Variants in PRDM6 observed in about 807,000 individuals in gnomAD.
PRDM6 encodes PR/SET domain 6, also known as putative histone-lysine N-methyltransferase PRDM6.
PRDM6 carries 25 observed loss-of-function variants against 60.8 expected under a neutral mutation model. The observed-to-expected ratio is 0.41, with a 90% CI of 0.30 to 0.57. The LOEUF (loss-of-function observed/expected upper bound fraction) is 0.57, where lower values mean the gene tolerates loss of function less well. Among genes scored for constraint, PRDM6 ranks in the 20% least tolerant of loss-of-function variants. The probability of loss-of-function intolerance (pLI) is 0.27; values close to 1 mark genes in which losing one functional copy is unlikely to be tolerated. For missense variants in PRDM6, 839 were observed against 821.3 expected (o/e 1.02, Z -0.26); for synonymous variants, 407 against 357.4 (o/e 1.14, Z -1.57).
rs1326999770 is a variant in PRDM6 at position 123,189,567 on chromosome 5, A to G, written c.*2366A>G. Reference sequence around the variant, plus strand: ...CAAACTTCCACTGAATGTGGCAGTAACCTGTACTCCAAAACACTCTTCTAG... The same window carrying G: ...CAAACTTCCACTGAATGTGGCAGTAGCCTGTACTCCAAAACACTCTTCTAG... On this transcript the variant is annotated 3_prime_UTR_variant, in exon 8 of 8. Coordinates refer to ENST00000407847, the MANE Select transcript of PRDM6 (RefSeq NM_001136239.4). The G allele has an allele frequency of 6.6e-6, 1 of 152,184 alleles. No individual in the cohort carries two copies. The highest frequency in any genetic ancestry group is 2.1e-4 in the South Asian group (1 of 4,830). The allele number at this position is 152,184 out of a possible 1,614,324, so 9.4% of individuals were successfully genotyped here.
intron 6 of PRDM6, among the ~76,000 whole-genome samples, chr5:123,172,725 A>T (rs1158108170): frequency 2.0e-5 from 3 of 152,212 alleles, no homozygotes; most frequent in Non-Finnish European, 4.4e-5. Context: ...AACTAATTAT[A>T]CCAGGTAAAA....
chr5:123,189,352 T>C lies in PRDM6; in HGVS notation c.*2151T>C, dbSNP rs1766358672. 6.6e-6 allele frequency: 1 copy of C among 152,238 alleles called. No homozygotes were observed. Among genetic ancestry groups the C allele is most frequent in the Non-Finnish European group, 1.5e-5 (1 of 68,042 alleles). 9.4% of individuals were successfully genotyped at this position (152,238 alleles called of 1,614,324 possible). On this transcript the variant is annotated 3_prime_UTR_variant, in exon 8 of 8. Coordinates refer to ENST00000407847, the MANE Select transcript of PRDM6 (RefSeq NM_001136239.4). ...GAATCACCTGTATATTTCTAATTTT[T>C]TTTTTCATTTGAAAAATCAGCTCAG...
chr5:123,134,883 A>C (rs1764919352), intron 3 of PRDM6, among the ~76,000 whole-genome samples: 1 of 152,182 alleles, frequency 6.6e-6, no homozygotes, highest in South Asian at 2.1e-4. Flanking sequence ...GAAGCTAATC[A>C]CATCGCAATG....
rs916233823 is a variant in PRDM6 at position 123,090,123 on chromosome 5, G to GGCA, written c.112_114dup (p.Ser38dup). The GGCA allele has an allele frequency of 2.3e-5, 36 of 1,539,640 alleles. No homozygotes were observed. In the African/African-American group the frequency reaches 4.6e-4, roughly 20 times the overall value. ...TCACGGAGGCGCAGGCCCGCTCAAG[G>GGCA]GCAGCGGCGCCGCGGGTCTCCTGAG... On this transcript the variant is annotated inframe_insertion, in exon 2 of 8. Coordinates refer to ENST00000407847, the MANE Select transcript of PRDM6 (RefSeq NM_001136239.4).
chr5:123,192,120 A>G lies in PRDM6; in HGVS notation c.*4919A>G, dbSNP rs1766444534. The G allele has an allele frequency of 6.6e-6, 1 of 152,360 alleles. No homozygotes were observed. The highest frequency in any genetic ancestry group is 2.1e-4 in the South Asian group (1 of 4,828). The allele number at this position is 152,360 out of a possible 1,614,324, so 9.4% of individuals were successfully genotyped here. ...ATGGAGGAAATTTTAATGGAAAAAT[A>G]AGGACATTCTGCGCTTATTCCCACA... On this transcript the variant is annotated 3_prime_UTR_variant, in exon 8 of 8. Coordinates refer to ENST00000407847, the MANE Select transcript of PRDM6 (RefSeq NM_001136239.4).
chr5:123,151,744 C>T (rs1445580042), intron 3 of PRDM6, among the ~76,000 whole-genome samples: 1 of 152,036 alleles, frequency 6.6e-6, no homozygotes, highest in Non-Finnish European at 1.5e-5. Flanking sequence ...AGGAAATGTG[C>T]TGCCTGTGCT....
At position 123,187,437 on chromosome 5, in the gene PRDM6, G is replaced by T; in HGVS notation, c.*236G>T. The T allele has an allele frequency of 3.1e-6, 1 of 325,732 alleles. No individual in the cohort carries two copies. The highest frequency in any genetic ancestry group is 5.8e-6 in the Non-Finnish European group (1 of 171,892). 20.2% of individuals were successfully genotyped at this position (325,732 alleles called of 1,614,324 possible). A position where few individuals can be genotyped will look rare whatever the true frequency, so the allele number is the denominator to read the frequency against. ...ACTTATTTCAGTGGACAACTAACCTGGGATGGTTAACATTTCCAGTCCCAC... is the reference window on the plus strand; with the variant it reads ...ACTTATTTCAGTGGACAACTAACCTTGGATGGTTAACATTTCCAGTCCCAC... On this transcript the variant is annotated 3_prime_UTR_variant, in exon 8 of 8. Transcript: ENST00000407847.
intron 6 of PRDM6, among the ~76,000 whole-genome samples, chr5:123,172,482 T>A (rs2126885191): frequency 6.6e-6 from 1 of 152,262 alleles, no homozygotes; most frequent in Non-Finnish European, 1.5e-5. Flanking sequence ...GGCGTAGAGG[T>A]GATACAAAAG....
intron 2 of PRDM6, among the ~76,000 whole-genome samples, chr5:123,093,618 T>G (rs926020300): frequency 1.3e-5 from 2 of 152,192 alleles, no homozygotes; most frequent in Non-Finnish European, 2.9e-5. Context: ...TGGTGCCTCC[T>G]GCGATATAAA....
intron 3 of PRDM6, among the ~76,000 whole-genome samples, chr5:123,123,081 TAAAA>T (rs1042413292): frequency 2.0e-5 from 3 of 152,228 alleles, no homozygotes; most frequent in Non-Finnish European, 4.4e-5. Context: ...TTATATATTT[TAAAA>T]GCTTTTAATT....
intron 5 of PRDM6, among the ~76,000 whole-genome samples, chr5:123,168,689 A>G (rs1387452587): frequency 7.9e-5 from 12 of 152,376 alleles, no homozygotes; most frequent in Non-Finnish European, 1.5e-4. Context: ...AGAACTGCCA[A>G]CTAGACAAAC....
rs1001708328 is a variant in PRDM6 at position 123,189,523 on chromosome 5, T to C, written c.*2322T>C. The stretch of plus-strand genomic sequence containing the variant: ...AACAATGATCTCTCTGCCACCCTGA[T>C]AGCTTTGCTAGCTGATCCCAAACTT... On this transcript the variant is annotated 3_prime_UTR_variant, in exon 8 of 8. Transcript: ENST00000407847. 2.8e-4 allele frequency: 42 copies of C among 152,312 alleles called. No individual in the cohort carries two copies. The highest frequency in any genetic ancestry group is 1.0e-3 in the African/African-American group (42 of 41,576). The allele number at this position is 152,312 out of a possible 1,614,324, so 9.4% of individuals were successfully genotyped here.
intron 6 of PRDM6, among the ~76,000 whole-genome samples, chr5:123,175,195 C>T (rs1319257066): frequency 6.6e-6 from 1 of 152,198 alleles, no homozygotes; most frequent in East Asian, 1.9e-4. Context: ...CAAGTATGTT[C>T]TCTTTTATTT....
chr5:123,144,273 C>T (rs548106925), intron 3 of PRDM6, among the ~76,000 whole-genome samples: 1 of 152,298 alleles, frequency 6.6e-6, no homozygotes, highest in East Asian at 1.9e-4. Flanking sequence ...TGGGAAGGAT[C>T]CTGGGAATGG....
rs751869965 is a variant in PRDM6 at position 123,189,039 on chromosome 5, T to C, written c.*1838T>C. 2.0e-5 allele frequency: 3 copies of C among 152,234 alleles called. No individual in the cohort carries two copies. The highest frequency in any genetic ancestry group is 6.5e-5 in the Admixed American group (1 of 15,284). 9.4% of individuals were successfully genotyped at this position (152,234 alleles called of 1,614,324 possible). A position where few individuals can be genotyped will look rare whatever the true frequency, so the allele number is the denominator to read the frequency against. ...TCACCTAGAATTTTCCTCCAGTTCTTACTATCTCCTGGTCATGAAAGTAGT... is the reference window on the plus strand; with the variant it reads ...TCACCTAGAATTTTCCTCCAGTTCTCACTATCTCCTGGTCATGAAAGTAGT... On this transcript the variant is annotated 3_prime_UTR_variant, in exon 8 of 8. Transcript: ENST00000407847.
At chr5:123,181,095 A>G (rs1202967231) in intron 7 of PRDM6, among the ~76,000 whole-genome samples, 4 of 152,214 alleles carry the variant, frequency 2.6e-5, no homozygotes, top group African/African-American at 9.6e-5. Context: ...TCACTCATTC[A>G]TTCATTTACT....
In PRDM6 at chr5:123,187,370, C is replaced by T; in HGVS notation, c.*169C>T. The T allele has an allele frequency of 1.9e-6, 1 of 514,064 alleles. No homozygotes were observed. 31.8% of individuals were successfully genotyped at this position (514,064 alleles called of 1,614,324 possible). ...GAGATATTGATCCTGGCATGGAAGT[C>T]AGACCAGGAAAGAGATTATTTATTT... On this transcript the variant is annotated 3_prime_UTR_variant, in exon 8 of 8. Coordinates refer to ENST00000407847, the MANE Select transcript of PRDM6 (RefSeq NM_001136239.4).
At chr5:123,110,384 G>A (rs549923520) in intron 3 of PRDM6, among the ~76,000 whole-genome samples, 123 of 148,006 alleles carry the variant, frequency 8.3e-4, no homozygotes, top group African/African-American at 2.7e-3. Flanking sequence ...TCAGCCTCCC[G>A]AGTAGCTGGG....
chr5:123,132,322 TAATTA>T (rs1169125104), intron 3 of PRDM6, among the ~76,000 whole-genome samples: 1 of 152,166 alleles, frequency 6.6e-6, no homozygotes, highest in Non-Finnish European at 1.5e-5. Context: ...TTCCTAGTTG[TAATTA>T]AATTAAAGTT....
Sources: gnomAD v4.1 joint callset for allele counts (sites outside exome capture counted in the v4.1 genomes callset) on GRCh38, gnomAD v4.1.1 for gene constraint, MANE v1.5 for transcripts, NCBI Gene and HGNC (gene_info 2026-07-23, HGNC 2026-07-21) for gene names.